The following PLCB1 variants were observed in gnomAD, a reference collection of about 807,000 sequenced individuals.
PLCB1 encodes phospholipase C beta 1.
In PLCB1, 46 loss-of-function variants were observed where a neutral mutation model predicts 161.8. The ratio of observed to expected loss-of-function variants is 0.28; its 90% CI spans 0.22 to 0.36. The LOEUF is 0.36. Among genes scored for constraint, PLCB1 ranks in the 10% least tolerant of loss-of-function variants. The probability of loss-of-function intolerance (pLI) is 1.00; values close to 1 mark genes in which losing one functional copy is unlikely to be tolerated. For missense variants in PLCB1, 1,016 were observed against 1,472.5 expected, an observed-to-expected ratio of 0.69 and a Z score of 5.07; for synonymous variants, 517 against 503.7, an observed-to-expected ratio of 1.03 and a Z score of -0.35.
intron 2 of PLCB1, among the ~76,000 whole-genome samples, chr20:8,264,086 CA>C (rs1338491304): frequency 6.6e-6 from 1 of 152,128 alleles, no homozygotes; most frequent in Non-Finnish European, 1.5e-5. Context: ...TACAACTGTA[CA>C]AAAATATTTT....
At chr20:8,632,034 GCTTTT>G (rs36193779) in intron 4 of PLCB1, among the ~76,000 whole-genome samples, 30,644 of 81,602 alleles carry the variant, frequency 0.38, 3,935 homozygotes, top group Admixed American at 0.48. Context: ...GGTTTTTTTT[GCTTTT>G]TTTTTTTTTT....
intron 3 of PLCB1, among the ~76,000 whole-genome samples, chr20:8,391,736 T>A (rs1355947002): frequency 2.0e-5 from 3 of 148,622 alleles, no homozygotes; most frequent in Admixed American, 6.8e-5. Flanking sequence ...TTCTTCTTAA[T>A]GTTCTGTGAG....
rs372623928 is a variant in PLCB1 at position 8,726,825 on chromosome 20, TA to T, written c.1679-483del. Among the ~76,000 whole-genome samples, 22 of 152,240 alleles carry T rather than the reference TA, an allele frequency of 1.4e-4. No homozygotes were observed. In the East Asian group the frequency reaches 3.7e-3, roughly 25 times the overall value. Reference sequence around the variant, plus strand: ...GTTTTGAAAGACCATAATTCTGTCATATTAGTTATTTGAACCAAAAAAGTAT... The same window carrying T: ...GTTTTGAAAGACCATAATTCTGTCATTTAGTTATTTGAACCAAAAAAGTAT... On this transcript the variant is annotated intron_variant, in intron 16 of 31. Transcript: ENST00000338037.
intron 18 of PLCB1, 63 bp downstream of exon 18, chr20:8,729,237 C>G: frequency 7.1e-7 from 1 of 1,402,218 alleles, no homozygotes; most frequent in Non-Finnish European, 9.5e-7. Context: ...AAAAACCATT[C>G]TTACATAATT....
chr20:8,148,115 T>G (rs183882704), intron 1 of PLCB1, among the ~76,000 whole-genome samples: 45 of 152,230 alleles, frequency 3.0e-4, no homozygotes, highest in Non-Finnish European at 4.7e-4. Context: ...GAAACTGACC[T>G]GAAAAAGATA....
intron 3 of PLCB1, among the ~76,000 whole-genome samples, chr20:8,395,133 T>G (rs1438221708): frequency 6.6e-6 from 1 of 152,120 alleles, no homozygotes; most frequent in African/African-American, 2.4e-5. Flanking sequence ...ATAAATTTAG[T>G]AAGAGTTTAA....
intron 2 of PLCB1, among the ~76,000 whole-genome samples, chr20:8,153,400 A>G (rs927264767): frequency 3.3e-5 from 5 of 152,028 alleles, no homozygotes; most frequent in African/African-American, 1.2e-4. Flanking sequence ...GAAGAGGATG[A>G]ATTTATCTGT....
At chr20:8,184,890 C>G (rs1162963420) in intron 2 of PLCB1, among the ~76,000 whole-genome samples, 1 of 151,436 alleles carries the variant, frequency 6.6e-6, no homozygotes, top group Non-Finnish European at 1.5e-5. Context: ...TTGCTGCACC[C>G]ATCAACCCGT....
intron 3 of PLCB1, among the ~76,000 whole-genome samples, chr20:8,413,274 T>C (rs979729628): frequency 1.3e-5 from 2 of 152,216 alleles, no homozygotes; most frequent in African/African-American, 2.4e-5. Context: ...CTTACTGTTA[T>C]TTAGAATTGT....
chr20:8,632,813 G>C (rs1988640153), intron 4 of PLCB1, among the ~76,000 whole-genome samples: 1 of 152,192 alleles, frequency 6.6e-6, no homozygotes, highest in Non-Finnish European at 1.5e-5. Context: ...GGTAGTAGCA[G>C]AGGGAACTGA....
intron 3 of PLCB1, among the ~76,000 whole-genome samples, chr20:8,547,494 A>C (rs1300368213): frequency 1.3e-5 from 2 of 152,148 alleles, no homozygotes; most frequent in Non-Finnish European, 2.9e-5. Flanking sequence ...CCAGTTATGC[A>C]AGCAAGGAAC....
chr20:8,776,944 G>A (rs1982972789), intron 27 of PLCB1, among the ~76,000 whole-genome samples: 5 of 152,218 alleles, frequency 3.3e-5, no homozygotes, highest in Middle Eastern at 3.4e-3. Flanking sequence ...GAGTAGGCAC[G>A]GAAAGGTTTA....
At chr20:8,210,497 C>G (rs1325117022) in intron 2 of PLCB1, among the ~76,000 whole-genome samples, 1 of 152,080 alleles carries the variant, frequency 6.6e-6, no homozygotes, top group East Asian at 1.9e-4. Context: ...GATTTATTTA[C>G]CAGCATTGGA....
rs1375371429 is a variant in PLCB1 at position 8,397,038 on chromosome 20, A to T, written c.246+25588A>T. On this transcript the variant is annotated intron_variant, in intron 3 of 31. Coordinates refer to ENST00000338037, the MANE Select transcript of PLCB1 (RefSeq NM_015192.4). Reference sequence around the variant, plus strand: ...ATTGTAATCCTAGCAGTGAGATTACAGATCCAAATAGATCTAATTCAATCC... The same window carrying T: ...ATTGTAATCCTAGCAGTGAGATTACTGATCCAAATAGATCTAATTCAATCC... Among the ~76,000 whole-genome samples, 5 of 152,094 alleles carry T rather than the reference A, an allele frequency of 3.3e-5. No individual in the cohort carries two copies. In the East Asian group the frequency reaches 9.6e-4, roughly 29 times the overall value.
Position 8,643,678 on chromosome 20 carries a change from G to A in PLCB1, c.385-2424G>A, listed in dbSNP as rs6039219. On this transcript the variant is annotated intron_variant, in intron 4 of 31. Transcript: ENST00000338037. ...GCTGAGGCGGGTGGATCACGAGGTC[G>A]GGAGATCGAGACCATCCTGGCTAAC... is the stretch of plus-strand genomic sequence containing the variant. Among the ~76,000 whole-genome samples the A allele has an allele frequency of 7.5e-3, 1,135 of 151,738 alleles. 17 individuals are homozygous for A. The highest frequency in any genetic ancestry group is 0.026 in the African/African-American group (1,080 of 41,344).
At chr20:8,226,890 T>C (rs1979721157) in intron 2 of PLCB1, among the ~76,000 whole-genome samples, 1 of 152,094 alleles carries the variant, frequency 6.6e-6, no homozygotes, top group Non-Finnish European at 1.5e-5. Context: ...AGGTTCACCA[T>C]CTTGGCCAGG....
chr20:8,294,222 C>T (rs6108130), intron 2 of PLCB1, among the ~76,000 whole-genome samples: 2 of 152,198 alleles, frequency 1.3e-5, no homozygotes, highest in African/African-American at 4.8e-5. Flanking sequence ...ATTCTCCTTC[C>T]TGACTTCCCA....
chr20:8,329,398 C>A (rs1600319202), intron 2 of PLCB1, among the ~76,000 whole-genome samples: 1 of 151,700 alleles, frequency 6.6e-6, no homozygotes, highest in South Asian at 2.1e-4. Flanking sequence ...AGTGATCCAC[C>A]TGCCTCGGCC....
At chr20:8,606,417 AC>A (rs1987759246) in intron 3 of PLCB1, among the ~76,000 whole-genome samples, 1 of 152,164 alleles carries the variant, frequency 6.6e-6, no homozygotes, top group Admixed American at 6.5e-5. Context: ...AAAGCCAGTA[AC>A]AGCATCTCCC....
Sources: allele counts gnomAD v4.1 joint callset (sites outside exome capture counted in the v4.1 genomes callset), GRCh38; gene constraint gnomAD v4.1.1; transcripts MANE v1.5; gene names NCBI Gene and HGNC (gene_info 2026-07-23, HGNC 2026-07-21).